PGLYRP3: variants seen among roughly 807,000 people sequenced by gnomAD.
The protein encoded by PGLYRP3 is peptidoglycan recognition protein 3.
Under a neutral mutation model 36.0 loss-of-function variants are expected in PGLYRP3, and 39 were observed. The observed-to-expected ratio is 1.08, with a 90% CI of 0.84 to 1.41. The LOEUF (loss-of-function observed/expected upper bound fraction) is 1.41. Among genes scored for constraint, PGLYRP3 ranks in the 40% most tolerant of loss-of-function variants. PGLYRP3 has a pLI of 0.00. For synonymous variants in PGLYRP3, 204 were observed against 172.8 expected (o/e 1.18, Z -1.42); for missense variants, 407 against 427.9 (o/e 0.95, Z 0.43).
At chr1:153,312,602 TACACACACAC>T (rs3840431) in intron 1 of PGLYRP3, among the ~76,000 whole-genome samples, 31 bp downstream of exon 1, 2 of 150,006 alleles carry the variant, frequency 1.3e-5, no homozygotes, top group Admixed American at 6.6e-5. Flanking sequence ...TCTAAAGAAA[TACACACACAC>T]ACACACACAC....
Position 153,298,135 on chromosome 1 carries a change from C to T in PGLYRP3, c.848-1G>A. 1 of 1,613,630 alleles carries T rather than the reference C, an allele frequency of 6.2e-7. No homozygotes were observed. Among genetic ancestry groups the T allele is most frequent in the Non-Finnish European group, 8.5e-7 (1 of 1,179,790 alleles). ...AGCGCTGCAGCATTTGGAGGCTTTT[C>T]TGCAAAACACATTTTCCCCATCAGT... On this transcript the variant is annotated splice_acceptor_variant, in intron 7 of 7. Transcript: ENST00000683862. LOFTEE classifies it high-confidence loss of function.
chr1:153,306,917 G>T, intron 3 of PGLYRP3, 149 bp downstream of exon 3: 1 of 778,772 alleles, frequency 1.3e-6, no homozygotes, highest in Non-Finnish European at 2.1e-6. Context: ...CGAAGGATTC[G>T]GATTTTGTTT....
chr1:153,302,611 T>A lies in PGLYRP3; in HGVS notation c.530-4A>T. ...CGTTTGATGATGTTGGGGCAAACTG[T>A]GGTAAAATGAAAAGCCAAGGAAGTA... On this transcript the variant is annotated splice_region_variant and splice_polypyrimidine_tract_variant and intron_variant, in intron 5 of 7. Coordinates refer to ENST00000683862, the MANE Select transcript of PGLYRP3 (RefSeq NM_052891.3). 4 of 1,613,966 alleles carry A rather than the reference T, an allele frequency of 2.5e-6. No homozygotes were observed. The highest frequency in any genetic ancestry group is 2.5e-6 in the Non-Finnish European group (3 of 1,180,010).
intron 2 of PGLYRP3, among the ~76,000 whole-genome samples, chr1:153,310,133 G>A (rs1176156003): frequency 8.5e-5 from 13 of 152,226 alleles, no homozygotes; most frequent in Admixed American, 3.3e-4. Flanking sequence ...TGTATATAAC[G>A]ATAAGAAATC....
chr1:153,307,140 GC>G lies in PGLYRP3; in HGVS notation c.182del (p.Ser61ThrfsTer18). On this transcript the variant is annotated frameshift_variant, in exon 3 of 8. Coordinates refer to ENST00000683862, the MANE Select transcript of PGLYRP3 (RefSeq NM_052891.3). LOFTEE classifies it high-confidence loss of function. ...QLPGMQCQQQ[S>X]VCSQMLRGLQ... Reference sequence around the variant, plus strand: ...ACCCCCGCAGCATCTGGCTGCAAACGCTCTGCTGCTGGCACTGCATCCCTGG... The same window carrying G: ...ACCCCCGCAGCATCTGGCTGCAAACGTCTGCTGCTGGCACTGCATCCCTGG... The G allele has an allele frequency of 6.2e-7, 1 of 1,612,770 alleles. No homozygotes were observed.
intron 1 of PGLYRP3, among the ~76,000 whole-genome samples, chr1:153,312,115 G>A (rs1360891824): frequency 4.6e-5 from 7 of 152,160 alleles, no homozygotes; most frequent in Admixed American, 1.3e-4. Context: ...ACCATGAAAC[G>A]TCAGTATGGC....
rs185029783 is a variant in PGLYRP3 at position 153,298,078 on chromosome 1, C to T, written c.904G>A (p.Val302Met). The part of the protein sequence containing the change: ...EAAQDLIQCA[V>M]VEGYLTPNYL... Reference sequence around the variant, plus strand: ...TTTGGAGTCAGGTACCCCTCAACCACGGCACACTGGATCAGGTCCTGGGCC... The same window carrying T: ...TTTGGAGTCAGGTACCCCTCAACCATGGCACACTGGATCAGGTCCTGGGCC... The change falls in exon 8 of 8, where the codon GTG becomes ATG. Residue 302 changes from valine to methionine, a missense_variant. Val to Met is a conservative substitution (Grantham distance 21). Coordinates refer to ENST00000683862, the MANE Select transcript of PGLYRP3 (RefSeq NM_052891.3). 107 of 1,614,076 alleles carry T rather than the reference C, an allele frequency of 6.6e-5. No individual in the cohort carries two copies. The Admixed American group carries it at 7.5e-4, about 11-fold the overall frequency.
At chr1:153,310,368 A>G (rs889479776) in intron 2 of PGLYRP3, among the ~76,000 whole-genome samples, 2 of 152,236 alleles carry the variant, frequency 1.3e-5, no homozygotes, top group African/African-American at 4.8e-5. Flanking sequence ...AATGAGCAAT[A>G]TTATCCTTTC....
chr1:153,308,590 C>A (rs1191776074), intron 2 of PGLYRP3, among the ~76,000 whole-genome samples: 1 of 152,216 alleles, frequency 6.6e-6, no homozygotes, highest in Non-Finnish European at 1.5e-5. Context: ...TGGCTTGGGT[C>A]TCACTCCAGG....
chr1:153,299,221 C>G lies in PGLYRP3; in HGVS notation c.739G>C (p.Gly247Arg). Residue 247 changes from glycine to arginine, a missense_variant, in exon 7 of 8, where the codon GGC (glycine) becomes CGC (arginine). Coordinates refer to ENST00000683862, the MANE Select transcript of PGLYRP3 (RefSeq NM_052891.3). ...FCDIGYHFLV[G>R]QDGGVYEGVG... Reference sequence around the variant, plus strand: ...CCTTCATACACGCCACCATCCTGGCCCACCAGGAAGCTTAGGTCAGGAAAA... The same window carrying G: ...CCTTCATACACGCCACCATCCTGGCGCACCAGGAAGCTTAGGTCAGGAAAA... The G allele has an allele frequency of 6.2e-7, 1 of 1,613,390 alleles. No homozygotes were observed. The highest frequency in any genetic ancestry group is 8.5e-7 in the Non-Finnish European group (1 of 1,179,462).
intron 2 of PGLYRP3, among the ~76,000 whole-genome samples, chr1:153,308,718 C>G: frequency 6.6e-6 from 1 of 152,148 alleles, no homozygotes; most frequent in East Asian, 1.9e-4. Flanking sequence ...TGCACAGCCT[C>G]TCCTCCTCCC....
rs749236657 is a variant in PGLYRP3 at position 153,297,990 on chromosome 1, T to C, written c.992A>G (p.Asn331Ser). The C allele has an allele frequency of 6.8e-6, 11 of 1,613,858 alleles. No individual in the cohort carries two copies. Among genetic ancestry groups the C allele is most frequent in the Non-Finnish European group, 9.3e-6 (11 of 1,179,982 alleles). The change falls in exon 8 of 8, where the codon AAC becomes AGC. Residue 331 changes from asparagine (N) to serine (S), a missense_variant. By Grantham distance (46) the Asn-to-Ser change is conservative (BLOSUM62 1). Transcript: ENST00000683862. ...GAAATGAGGCCAGGTGCTGATGATG[T>C]TATACAAAGCCTGCCCAGGGGACAG... ...NILSPGQALY[N>S]IISTWPHFKH
chr1:153,303,973 T>C lies in PGLYRP3; in HGVS notation c.413A>G (p.Glu138Gly), dbSNP rs41264632. 9.6e-3 allele frequency: 15,545 copies of C among 1,613,812 alleles called. 421 individuals carry two copies. In the East Asian group the frequency reaches 0.11, roughly 11 times the overall value. Residue 138 changes from glutamate to glycine, a missense_variant, in exon 5 of 8, where the codon GAG becomes GGG. By Grantham distance (98) the Glu-to-Gly change is moderately conservative (BLOSUM62 -2). Coordinates refer to ENST00000683862, the MANE Select transcript of PGLYRP3 (RefSeq NM_052891.3). ...SPSPAALSAA[E>G]GLISYAIQKG... is the part of the protein sequence containing the mutation. ...CTGGATGGCATAGGAGATCAGACCCTCTGCAGCTGATAAGGCAGCAGGGCT... is the reference window on the plus strand; with the variant it reads ...CTGGATGGCATAGGAGATCAGACCCCCTGCAGCTGATAAGGCAGCAGGGCT...
chr1:153,307,404 C>G (rs1003388547), intron 2 of PGLYRP3, 137 bp from the exon 3 acceptor site: 2 of 756,858 alleles, frequency 2.6e-6, no homozygotes, highest in African/African-American at 3.5e-5. Context: ...AGCCCTTCAC[C>G]ACCAAAGCCC....
At chr1:153,300,200 C>G (rs970717527) in intron 6 of PGLYRP3, among the ~76,000 whole-genome samples, 1 of 152,036 alleles carries the variant, frequency 6.6e-6, no homozygotes, top group Admixed American at 6.6e-5. Context: ...GTCTGAACCC[C>G]GGGCCCTGGC....
chr1:153,299,202 T>C lies in PGLYRP3; in HGVS notation c.758A>G (p.Tyr253Cys), dbSNP rs757741686. ...HFLVGQDGGV[Y>C]EGVGWHIQGS... ...TTGGATGTGCCATCCAACCCCTTCA[T>C]ACACGCCACCATCCTGGCCCACCAG... The change falls in exon 7 of 8, where the codon TAT becomes TGT. Residue 253 changes from tyrosine to cysteine, a missense_variant. By Grantham distance (194) the Tyr-to-Cys change is radical. Transcript: ENST00000683862. 9 of 1,613,942 alleles carry C rather than the reference T, an allele frequency of 5.6e-6. No individual in the cohort carries two copies. Among genetic ancestry groups the C allele is most frequent in the Non-Finnish European group, 7.6e-6 (9 of 1,179,956 alleles).
At chr1:153,306,197 AAAATAAAT>A (rs908664113) in intron 3 of PGLYRP3, among the ~76,000 whole-genome samples, 3 of 152,198 alleles carry the variant, frequency 2.0e-5, no homozygotes, top group Admixed American at 2.0e-4. Flanking sequence ...TTTGTGTTTA[AAAATAAAT>A]AAATAAATAA....
Position 153,297,865 on chromosome 1 carries a change from G to T in PGLYRP3, c.*91C>A, listed in dbSNP as rs1659477765. On this transcript the variant is annotated 3_prime_UTR_variant, in exon 8 of 8. Coordinates refer to ENST00000683862, the MANE Select transcript of PGLYRP3 (RefSeq NM_052891.3). ...AGAAAGGATGGGCTGGCAGGGGAGG[G>T]GGACACAAGGTGCTGAGCCACCTTG... The T allele has an allele frequency of 2.9e-6, 4 of 1,398,728 alleles. No individual in the cohort carries two copies. The highest frequency in any genetic ancestry group is 3.9e-6 in the Non-Finnish European group (4 of 1,013,076). 86.6% of individuals were successfully genotyped at this position (1,398,728 alleles called of 1,614,324 possible).
intron 2 of PGLYRP3, among the ~76,000 whole-genome samples, chr1:153,308,784 G>A (rs1659821279): frequency 2.0e-5 from 3 of 152,154 alleles, no homozygotes; most frequent in East Asian, 3.9e-4. Context: ...GAAGTCTCTG[G>A]CCTTGGCCTG....
Sources: allele counts gnomAD v4.1 joint callset (sites outside exome capture counted in the v4.1 genomes callset), GRCh38; gene constraint gnomAD v4.1.1; transcripts MANE v1.5; gene names NCBI Gene and HGNC (gene_info 2026-07-23, HGNC 2026-07-21).